Variants in PCMTD1 observed in about 807,000 individuals in gnomAD.
PCMTD1 encodes the protein protein-L-isoaspartate O-methyltransferase domain-containing protein 1.
Under a neutral mutation model 37.6 loss-of-function variants are expected in PCMTD1, and 12 were observed. The observed-to-expected ratio is 0.32, with a 90% CI of 0.20 to 0.52. The LOEUF is 0.52. PCMTD1 is among the 20% of genes least tolerant of loss of function. The pLI is 0.97. For missense variants in PCMTD1, 235 were observed against 421.3 expected, an observed-to-expected ratio of 0.56 and a Z score of 3.87; for synonymous variants, 117 against 135.8, an observed-to-expected ratio of 0.86 and a Z score of 0.96.
intron 1 of PCMTD1, among the ~76,000 whole-genome samples, chr8:51,864,831 AATGAG>A (rs1224208371): frequency 6.6e-5 from 10 of 152,102 alleles, no homozygotes; most frequent in Admixed American, 2.0e-4. Flanking sequence ...TAGCAGAAAG[AATGAG>A]ATAAGATTCA....
intron 1 of PCMTD1, among the ~76,000 whole-genome samples, chr8:51,869,646 C>T (rs1224711098): frequency 6.6e-6 from 1 of 151,862 alleles, no homozygotes; most frequent in Non-Finnish European, 1.5e-5. Context: ...GTGTTCAAGT[C>T]CTGCACTGAA....
chr8:51,857,429 AGT>A (rs1348554488), intron 2 of PCMTD1, among the ~76,000 whole-genome samples: 1 of 152,246 alleles, frequency 6.6e-6, no homozygotes, highest in Non-Finnish European at 1.5e-5. Flanking sequence ...TGAATCCCTA[AGT>A]AAAAAGGATC....
At chr8:51,827,112 C>T in intron 5 of PCMTD1, 1 of 1,006,238 alleles carries the variant, frequency 9.9e-7, no homozygotes, top group Non-Finnish European at 1.2e-6. Context: ...TACACACCCA[C>T]AAAAACTTAT....
intron 1 of PCMTD1, among the ~76,000 whole-genome samples, chr8:51,885,326 T>TA (rs1192830083): frequency 6.6e-6 from 1 of 152,164 alleles, no homozygotes; most frequent in African/African-American, 2.4e-5. Flanking sequence ...TTTTCTGTGT[T>TA]AAGAGAGCTG....
At chr8:51,839,982 C>T (rs145827164) in intron 3 of PCMTD1, among the ~76,000 whole-genome samples, 1 of 152,302 alleles carries the variant, frequency 6.6e-6, no homozygotes, top group East Asian at 1.9e-4. Flanking sequence ...AACTCTTGAT[C>T]TCCAGATACA....
intron 2 of PCMTD1, among the ~76,000 whole-genome samples, chr8:51,847,944 A>G (rs1404040336): frequency 5.3e-5 from 8 of 151,744 alleles, no homozygotes; most frequent in Admixed American, 5.3e-4. Flanking sequence ...AGCCGGGCTT[A>G]GTGGTGCATG....
chr8:51,838,742 T>G (rs992995375), intron 3 of PCMTD1, among the ~76,000 whole-genome samples: 6 of 152,202 alleles, frequency 3.9e-5, no homozygotes, highest in African/African-American at 1.4e-4. Flanking sequence ...GGACATATTT[T>G]AAACTACAAA....
At chr8:51,878,250 G>GTTTTTTTTTTTTTTTTTTT (rs375362623) in intron 1 of PCMTD1, among the ~76,000 whole-genome samples, 1 of 139,166 alleles carries the variant, frequency 7.2e-6, no homozygotes, top group Non-Finnish European at 1.5e-5. Flanking sequence ...TTTTTTTTTG[G>GTTTTTTTTTTTTTTTTTTT]TTTTTTTTTT....
rs1374552226 is a variant in PCMTD1 at position 51,836,856 on chromosome 8, G to A, written c.411-3167C>T. Among the ~76,000 whole-genome samples the A allele has an allele frequency of 3.3e-5, 5 of 152,284 alleles. No individual in the cohort carries two copies. The Middle Eastern group carries it at 0.01, about 311-fold the overall frequency. On this transcript the variant is annotated intron_variant, in intron 3 of 5. Coordinates refer to ENST00000522514, the MANE Select transcript of PCMTD1 (RefSeq NM_052937.4). ...CCCAAAATGCTGGGATTCCAGGCAT[G>A]AGCCACTGTGACCAGCCACCTATGG...
At chr8:51,894,789 C>A (rs77112450) in intron 1 of PCMTD1, among the ~76,000 whole-genome samples, 44 of 138,088 alleles carry the variant, frequency 3.2e-4, no homozygotes, top group African/African-American at 8.3e-4. Flanking sequence ...AGTAAGATGA[C>A]AAAAAAAAAA....
intron 5 of PCMTD1, among the ~76,000 whole-genome samples, chr8:51,829,032 A>G (rs1362179368): frequency 1.3e-5 from 2 of 152,232 alleles, no homozygotes; most frequent in African/African-American, 4.8e-5. Flanking sequence ...TAGCGAAAGT[A>G]TACGTTACTA....
chr8:51,838,120 C>T (rs1165452490), intron 3 of PCMTD1, among the ~76,000 whole-genome samples: 2 of 152,108 alleles, frequency 1.3e-5, no homozygotes, highest in Non-Finnish European at 2.9e-5. Flanking sequence ...TTCATGTAAA[C>T]AAATTCATAC....
At chr8:51,853,434 TAG>T (rs1491021226) in intron 2 of PCMTD1, among the ~76,000 whole-genome samples, 2 of 152,086 alleles carry the variant, frequency 1.3e-5, no homozygotes, top group Non-Finnish European at 2.9e-5. Context: ...CACAGGGAGA[TAG>T]AGATTCACAA....
chr8:51,821,606 C>T (rs1485414009), intron 5 of PCMTD1, among the ~76,000 whole-genome samples: 1 of 152,298 alleles, frequency 6.6e-6, no homozygotes, highest in Non-Finnish European at 1.5e-5. Flanking sequence ...CAAGTCTGCA[C>T]TCCCTGCACT....
At chr8:51,855,399 G>A (rs2038372150) in intron 2 of PCMTD1, among the ~76,000 whole-genome samples, 1 of 150,006 alleles carries the variant, frequency 6.7e-6, no homozygotes, top group Non-Finnish European at 1.5e-5. Flanking sequence ...CAAGCGTGGT[G>A]ACGTGCACCT....
In PCMTD1 at chr8:51,866,414, T is replaced by C. The variant is rs185054945; in HGVS notation, c.-95-5168A>G. Among the ~76,000 whole-genome samples the C allele has an allele frequency of 1.3e-3, 192 of 152,010 alleles. 1 individual carries two copies. The highest frequency in any genetic ancestry group is 4.4e-3 in the African/African-American group (183 of 41,518). On this transcript the variant is annotated intron_variant, in intron 1 of 5. Coordinates refer to ENST00000522514, the MANE Select transcript of PCMTD1 (RefSeq NM_052937.4). ...TATAGTAATCAAAGCAGCATGGTACTGACATAAAAACAGACACAATGACCA... is the reference window on the plus strand; with the variant it reads ...TATAGTAATCAAAGCAGCATGGTACCGACATAAAAACAGACACAATGACCA...
At chr8:51,878,435 A>T (rs900962178) in intron 1 of PCMTD1, among the ~76,000 whole-genome samples, 17 of 152,146 alleles carry the variant, frequency 1.1e-4, no homozygotes, top group Admixed American at 1.3e-4. Flanking sequence ...TTCAAAATGA[A>T]GTTATATAAC....
intron 1 of PCMTD1, among the ~76,000 whole-genome samples, chr8:51,895,254 C>T (rs2038984030): frequency 6.6e-6 from 1 of 152,196 alleles, no homozygotes; most frequent in Non-Finnish European, 1.5e-5. Context: ...TTGTGAAAGT[C>T]ACCAAGACAG....
chr8:51,827,002 T>C (rs2037930403), intron 5 of PCMTD1: 1 of 944,754 alleles, frequency 1.1e-6, no homozygotes, highest in Non-Finnish European at 1.3e-6. Context: ...TTTATATATA[T>C]ATTATTTTTG....
Sources: gnomAD v4.1 joint callset for allele counts (sites outside exome capture counted in the v4.1 genomes callset) on GRCh38, gnomAD v4.1.1 for gene constraint, MANE v1.5 for transcripts, NCBI Gene and HGNC (gene_info 2026-07-23, HGNC 2026-07-21) for gene names.